The following CIMIP7 variants were observed in gnomAD, a reference collection of about 807,000 sequenced individuals.
CIMIP7 encodes the protein ciliary microtubule inner protein 7, also known as uncharacterized protein C3orf84.
At chr3:49,184,344 ACAGAGT>A in the CIMIP7 span, among the ~76,000 whole-genome samples, 1 of 151,944 alleles carries the variant, frequency 6.6e-6, no homozygotes, top group Admixed American at 6.6e-5. Context: ...TTTTTTTGAG[ACAGAGT>A]CTCACGTGTA....
chr3:49,178,849 C>T, the CIMIP7 span, among the ~76,000 whole-genome samples: 1 of 152,146 alleles, frequency 6.6e-6, no homozygotes, highest in Non-Finnish European at 1.5e-5. Flanking sequence ...CAAGTTGGGC[C>T]TTAACTCTTG....
At chr3:49,185,560 C>T in the CIMIP7 span, among the ~76,000 whole-genome samples, 1 of 151,968 alleles carries the variant, frequency 6.6e-6, no homozygotes, top group Non-Finnish European at 1.5e-5. Flanking sequence ...GAGCGGAACT[C>T]CAAAAACAAA....
At chr3:49,187,108 A>G in the CIMIP7 span, among the ~76,000 whole-genome samples, 4 of 152,190 alleles carry the variant, frequency 2.6e-5, no homozygotes, top group African/African-American at 7.2e-5. Flanking sequence ...CTATAGTGGC[A>G]GGATAATTTA....
At chr3:49,187,291 T>C in the CIMIP7 span, among the ~76,000 whole-genome samples, 8 of 152,218 alleles carry the variant, frequency 5.3e-5, no homozygotes, top group Non-Finnish European at 7.3e-5. Flanking sequence ...GTAAAATCCA[T>C]GGTTTCTGAG....
At chr3:49,178,513 G>T in the CIMIP7 span, 3 of 1,613,674 alleles carry the variant, frequency 1.9e-6, no homozygotes, top group East Asian at 6.7e-5. Context: ...GTCGTGCTTG[G>T]AGAAGAAGTG....
the CIMIP7 span, among the ~76,000 whole-genome samples, chr3:49,180,214 T>C: frequency 6.6e-6 from 1 of 152,082 alleles, no homozygotes; most frequent in Non-Finnish European, 1.5e-5. Context: ...AGGCAGAGGT[T>C]GCAGTGAGCT....
chr3:49,190,040 G>A, the CIMIP7 span: 22 of 1,613,640 alleles, frequency 1.4e-5, no homozygotes, highest in African/African-American at 2.7e-4. Flanking sequence ...ATCGCTGCAG[G>A]AACACTGCTG....
chr3:49,178,424 C>A, the CIMIP7 span: 2 of 1,527,442 alleles, frequency 1.3e-6, no homozygotes, highest in South Asian at 1.1e-5. Flanking sequence ...TCTGCTCTGT[C>A]CAGACTTCAG....
At chr3:49,177,675 C>T in the CIMIP7 span, 1 of 1,606,658 alleles carries the variant, frequency 6.2e-7, no homozygotes, top group African/African-American at 1.3e-5. Flanking sequence ...AGTTTAGACA[C>T]TCAGAGACCC....
chr3:49,188,648 A>G, the CIMIP7 span, among the ~76,000 whole-genome samples: 1 of 152,134 alleles, frequency 6.6e-6, no homozygotes, highest in Non-Finnish European at 1.5e-5. Context: ...CTTTGGGCTC[A>G]GTAGTACTAA....
the CIMIP7 span, among the ~76,000 whole-genome samples, chr3:49,183,015 G>A: frequency 0.73 from 110,727 of 151,906 alleles, 40,923 homozygotes; most frequent in East Asian, 0.99. Context: ...ACCTCCCCGC[G>A]AGCTGAGGGA....
At chr3:49,181,798 G>C in the CIMIP7 span, among the ~76,000 whole-genome samples, 1 of 152,242 alleles carries the variant, frequency 6.6e-6, no homozygotes, top group Non-Finnish European at 1.5e-5. Context: ...ACATGAAAAT[G>C]TGTCCGGAAT....
chr3:49,189,142 T>C, the CIMIP7 span, among the ~76,000 whole-genome samples: 5 of 152,114 alleles, frequency 3.3e-5, no homozygotes, highest in Non-Finnish European at 7.4e-5. Context: ...GCTAATTTTG[T>C]ATTTTTAGTA....
the CIMIP7 span, chr3:49,177,696 G>A: frequency 6.2e-7 from 1 of 1,610,578 alleles, no homozygotes; most frequent in African/African-American, 1.3e-5. Flanking sequence ...CAGCATGAAG[G>A]TAGTGCTGCA....
At chr3:49,182,749 G>C in the CIMIP7 span, among the ~76,000 whole-genome samples, 1 of 152,192 alleles carries the variant, frequency 6.6e-6, no homozygotes, top group Non-Finnish European at 1.5e-5. Flanking sequence ...GGCTGCACAG[G>C]AGCCCAGGGA....
the CIMIP7 span, chr3:49,178,147 TATG>T: frequency 3.3e-6 from 4 of 1,203,356 alleles, no homozygotes; most frequent in Non-Finnish European, 3.4e-6. Context: ...ATACCTGTCC[TATG>T]CCTGGCTGTC....
the CIMIP7 span, among the ~76,000 whole-genome samples, chr3:49,188,911 A>G: frequency 6.6e-6 from 1 of 150,400 alleles, no homozygotes; most frequent in Non-Finnish European, 1.5e-5. Context: ...GATTCTGCCT[A>G]CCTCAGCCTC....
the CIMIP7 span, among the ~76,000 whole-genome samples, chr3:49,187,253 C>T: frequency 6.1e-3 from 934 of 152,292 alleles, 8 homozygotes; most frequent in African/African-American, 0.021. Flanking sequence ...GTTTCTTAAT[C>T]ATTCAAGGCT....
chr3:49,180,687 T>C, the CIMIP7 span, among the ~76,000 whole-genome samples: 1 of 152,020 alleles, frequency 6.6e-6, no homozygotes, highest in African/African-American at 2.4e-5. Flanking sequence ...TCCCAGCACT[T>C]TGGGAGGCCG....
Sources: gnomAD v4.1 joint callset for allele counts (sites outside exome capture counted in the v4.1 genomes callset) on GRCh38, gnomAD v4.1.1 for gene constraint, MANE v1.5 for transcripts, NCBI Gene and HGNC (gene_info 2026-07-23, HGNC 2026-07-21) for gene names.